WNK2: variants seen among roughly 807,000 people sequenced by gnomAD.
WNK2 encodes the protein serine/threonine-protein kinase WNK2.
WNK2 carries 67 observed loss-of-function variants against 192.1 expected under a neutral mutation model. The ratio of observed to expected loss-of-function variants is 0.35; its 90% CI spans 0.29 to 0.43. The LOEUF is 0.43. Among genes scored for constraint, WNK2 ranks in the 20% least tolerant of loss-of-function variants. The pLI is 1.00. For missense variants in WNK2, 2,698 were observed against 3,089.7 expected (o/e 0.87, Z 3.01); for synonymous variants, 1,439 against 1,393.9 (o/e 1.03, Z -0.72).
intron 8 of WNK2, among the ~76,000 whole-genome samples, chr9:93,250,977 G>A (rs1842513994): frequency 2.4e-5 from 1 of 41,472 alleles, no homozygotes; most frequent in African/African-American, 1.3e-4. Context: ...GTAGAGACGG[G>A]GTTTTGCCCT....
chr9:93,241,526 A>G (rs1840759861), intron 7 of WNK2, among the ~76,000 whole-genome samples: 1 of 152,162 alleles, frequency 6.6e-6, no homozygotes, highest in African/African-American at 2.4e-5. Flanking sequence ...ATTCTTCCCA[A>G]GCTTCACTTC....
rs1217033600 is a variant in WNK2, at chr9:93,288,939, C to G, written c.4185C>G (p.Pro1395=). 1.2e-6 allele frequency: 2 copies of G among 1,607,286 alleles called. No homozygotes were observed. Among genetic ancestry groups the G allele is most frequent in the Middle Eastern group, 3.3e-4 (2 of 6,036 alleles). Residue 1395 remains proline (P), a synonymous_variant, in exon 20 of 30, where the codon CCC becomes CCG. Transcript: ENST00000427277. ...CCTCCCCTCCTGTGACTGCTCTGCC[C>G]CAAGATGGAGCAGCTCCAGCCACCA... is the stretch of plus-strand genomic sequence containing the variant. The part of the protein sequence containing the change: ...APSSPPVTAL[P]QDGAAPATST...
At position 93,247,088 on chromosome 9, in the gene WNK2, T is replaced by G. The variant is rs1841845789; in HGVS notation, c.1543-455T>G. 6.6e-6 allele frequency among the ~76,000 whole-genome samples: 1 copy of G among 152,186 alleles called. No individual in the cohort carries two copies. Among genetic ancestry groups the G allele is most frequent in the South Asian group, 2.1e-4 (1 of 4,826 alleles). On this transcript the variant is annotated intron_variant, in intron 7 of 29. Coordinates refer to ENST00000427277, the MANE Select transcript of WNK2 (RefSeq NM_006648.4). The surrounding 1 kb of genome is among the most constrained non-coding windows in gnomAD (Gnocchi z 5.2). Reference sequence around the variant, plus strand: ...TCCCTAATTACAAAACGCATGTCCTTCCTCCATCTGCAACTCGGGTGTGGC... The same window carrying G: ...TCCCTAATTACAAAACGCATGTCCTGCCTCCATCTGCAACTCGGGTGTGGC...
intron 2 of WNK2, among the ~76,000 whole-genome samples, chr9:93,193,929 A>G (rs536451629): frequency 3.9e-5 from 6 of 152,362 alleles, no homozygotes; most frequent in Non-Finnish European, 7.3e-5. Flanking sequence ...ATGGAATAGA[A>G]TAGCAAGCCC....
At chr9:93,251,609 C>T (rs1020469166) in intron 8 of WNK2, among the ~76,000 whole-genome samples, 3 of 152,142 alleles carry the variant, frequency 2.0e-5, no homozygotes, top group African/African-American at 7.2e-5. Flanking sequence ...ACTCAGGAGG[C>T]TGAAGCAGGA....
intron 2 of WNK2, among the ~76,000 whole-genome samples, chr9:93,202,325 C>CGTGTGTGTGGGTGT (rs1554679107): frequency 3.1e-5 from 4 of 130,564 alleles, no homozygotes; most frequent in African/African-American, 1.1e-4. Flanking sequence ...TCCGTGTGCA[C>CGTGTGTGTGGGTGT]GTGTGTGTGT....
intron 5 of WNK2, among the ~76,000 whole-genome samples, chr9:93,235,391 A>C (rs1474625757): frequency 6.6e-6 from 1 of 152,098 alleles, no homozygotes; most frequent in Non-Finnish European, 1.5e-5. Context: ...TTTTGAAACA[A>C]TGGTTTGATT....
At chr9:93,193,135 A>AG (rs1416306960) in intron 2 of WNK2, among the ~76,000 whole-genome samples, 6 of 152,028 alleles carry the variant, frequency 3.9e-5, no homozygotes, top group Non-Finnish European at 7.4e-5. Context: ...TGTGGTGGGA[A>AG]GGGGGGTTTG....
In WNK2 at chr9:93,308,463, G is replaced by A; in HGVS notation, c.6395G>A (p.Trp2132Ter). The A allele has an allele frequency of 6.2e-7, 1 of 1,610,464 alleles. No individual in the cohort carries two copies. The highest frequency in any genetic ancestry group is 1.7e-5 in the Admixed American group (1 of 59,690). The change falls in exon 28 of 30, where the codon TGG becomes TAG. Residue 2132 changes from tryptophan (W) to a stop codon, truncating the protein, a stop_gained. Coordinates refer to ENST00000427277, the MANE Select transcript of WNK2 (RefSeq NM_006648.4). LOFTEE classifies it high-confidence loss of function. ...GACCTGCACAAGCTGGTGGACGAGT[G>A]GACGAGCAAGACGGTGGGGGCCGCG... ...TDDLHKLVDEWTSKTVGAAQL... is the reference protein window; with the variant it reads ...TDDLHKLVDE
intron 2 of WNK2, among the ~76,000 whole-genome samples, chr9:93,226,711 T>TG (rs1837877470): frequency 6.6e-6 from 1 of 152,194 alleles, no homozygotes; most frequent in Non-Finnish European, 1.5e-5. Flanking sequence ...CACATGAAGA[T>TG]GGGGGTCCTA....
intron 2 of WNK2, among the ~76,000 whole-genome samples, chr9:93,192,717 G>A (rs1376096395): frequency 6.6e-6 from 1 of 152,226 alleles, no homozygotes; most frequent in Non-Finnish European, 1.5e-5. Flanking sequence ...TAGGTGCTAA[G>A]ACAAAATTGG....
At position 93,257,522 on chromosome 9, in the gene WNK2, G is replaced by T. The variant is rs1418999271; in HGVS notation, c.2382+383G>T. On this transcript the variant is annotated intron_variant, in intron 11 of 29. Coordinates refer to ENST00000427277, the MANE Select transcript of WNK2 (RefSeq NM_006648.4). The surrounding 1 kb of genome is among the most constrained non-coding windows in gnomAD (Gnocchi z 4.7). ...CATCACCTGGCACCCTCCCAGCAAG[G>T]TGCCCATCTGCCCTCAGCTTACCCA... Among the ~76,000 whole-genome samples the T allele has an allele frequency of 6.6e-6, 1 of 152,308 alleles. No homozygotes were observed. The highest frequency in any genetic ancestry group is 2.4e-5 in the African/African-American group (1 of 41,556).
At chr9:93,192,549 C>T (rs1587759786) in intron 2 of WNK2, among the ~76,000 whole-genome samples, 1 of 149,782 alleles carries the variant, frequency 6.7e-6, no homozygotes, top group African/African-American at 2.5e-5. Context: ...GGTAGGCACC[C>T]CAGGAGTGCA....
In WNK2 at chr9:93,247,880, C is replaced by T. The variant is rs1842000416; in HGVS notation, c.1834+46C>T. The stretch of plus-strand genomic sequence containing the variant: ...TGGCCATGGGCACCCCTCCCACCTA[C>T]CCTGCAAAAACCAGCTATTGGGCAA... On this transcript the variant is annotated intron_variant, in intron 8 of 29. Coordinates refer to ENST00000427277, the MANE Select transcript of WNK2 (RefSeq NM_006648.4). This position sits in a 1 kb window ranked among gnomAD's most constrained non-coding sequence, Gnocchi z 5.2. 6.6e-7 allele frequency: 1 copy of T among 1,512,934 alleles called. No individual in the cohort carries two copies. Among genetic ancestry groups the T allele is most frequent in the Non-Finnish European group, 8.8e-7 (1 of 1,136,180 alleles). 93.7% of individuals were successfully genotyped at this position (1,512,934 alleles called of 1,614,324 possible). A position where few individuals can be genotyped will look rare whatever the true frequency, so the allele number is the denominator to read the frequency against.
Position 93,268,027 on chromosome 9 carries a change from G to A in WNK2, c.3875G>A (p.Arg1292Gln), listed in dbSNP as rs144424183. 11 of 1,611,822 alleles carry A rather than the reference G, an allele frequency of 6.8e-6. No homozygotes were observed. The highest frequency in any genetic ancestry group is 4.0e-5 in the African/African-American group (3 of 74,846). ...ACCCTCCACCTCATTCAGGAGAGCC[G>A]ACAATCCCAAGCCAACGCCCCCGTG... ...TCGLGTGEESRQSQANAPVYQ... is the reference protein window; with the variant it reads ...TCGLGTGEESQQSQANAPVYQ... The change falls in exon 18 of 30, where the codon CGA becomes CAA. Residue 1292 changes from arginine (R) to glutamine (Q), a missense_variant. By Grantham distance (43) the Arg-to-Gln change is conservative. Around this residue, in one of 7 missense-constraint regions of WNK2, gnomAD observed 1,098 missense variants for 1,101.0 expected, o/e 1.00. Transcript: ENST00000427277.
intron 19 of WNK2, among the ~76,000 whole-genome samples, chr9:93,285,286 A>G (rs1363416868): frequency 6.6e-6 from 1 of 152,234 alleles, no homozygotes; most frequent in African/African-American, 2.4e-5. Flanking sequence ...TACTGTTTTA[A>G]AAAGTGATAA....
intron 27 of WNK2, 89 bp from the exon 28 acceptor site, chr9:93,308,239 C>G: frequency 6.7e-7 from 1 of 1,483,476 alleles, no homozygotes; most frequent in Non-Finnish European, 9.0e-7. Context: ...ATTGTCTCAG[C>G]TGTCACGTAA....
chr9:93,294,895 A>C (rs1431343324), intron 23 of WNK2, among the ~76,000 whole-genome samples: 1 of 152,114 alleles, frequency 6.6e-6, no homozygotes, highest in African/African-American at 2.4e-5. Context: ...GGGACCTTTT[A>C]GGAAAGGGTG....
At chr9:93,269,241 A>C (rs1263191128) in intron 19 of WNK2, among the ~76,000 whole-genome samples, 1 of 152,004 alleles carries the variant, frequency 6.6e-6, no homozygotes, top group East Asian at 1.9e-4. Flanking sequence ...TACAGATGCC[A>C]ACAAGCCCGT....
Sources: allele counts gnomAD v4.1 joint callset (sites outside exome capture counted in the v4.1 genomes callset), GRCh38; gene constraint gnomAD v4.1.1; regional missense constraint gnomAD v4.1.1; non-coding constraint Gnocchi (gnomAD v3.1); transcripts MANE v1.5; gene names NCBI Gene and HGNC (gene_info 2026-07-23, HGNC 2026-07-21).